The following AP1S3 variants were observed in gnomAD, a reference collection of about 807,000 sequenced individuals.
AP1S3 encodes AP-1 complex subunit sigma-3.
In AP1S3, 10 loss-of-function variants were observed where a neutral mutation model predicts 20.9. The observed-to-expected ratio is 0.48, with a 90% CI of 0.29 to 0.81. The LOEUF (loss-of-function observed/expected upper bound fraction) is 0.81, where lower values mean the gene tolerates loss of function less well. AP1S3 is among the 30% of genes least tolerant of loss of function. The pLI, the probability that AP1S3 is intolerant of heterozygous loss-of-function variation, is 0.08. For synonymous variants in AP1S3, 41 were observed against 61.5 expected (o/e 0.67, Z 1.56); for missense variants, 154 against 183.8 (o/e 0.84, Z 0.94).
At chr2:223,792,186 G>T (rs1691229148) in intron 1 of AP1S3, among the ~76,000 whole-genome samples, 1 of 152,098 alleles carries the variant, frequency 6.6e-6, no homozygotes, top group South Asian at 2.1e-4. Context: ...AGCCTGAATA[G>T]CCAAGACAAT....
intron 4 of AP1S3, among the ~76,000 whole-genome samples, chr2:223,763,653 G>T (rs969799153): frequency 3.9e-5 from 6 of 152,154 alleles, no homozygotes; most frequent in Admixed American, 1.3e-4. Context: ...GAGTTTAGAT[G>T]CACTTTTTGA....
chr2:223,812,155 A>T (rs6436436), intron 1 of AP1S3, among the ~76,000 whole-genome samples: 49,019 of 152,106 alleles, frequency 0.32, 8,324 homozygotes, highest in Middle Eastern at 0.43. Flanking sequence ...CAAATATCAC[A>T]TTTATTGACC....
At chr2:223,764,795 A>G (rs2106078597) in intron 4 of AP1S3, among the ~76,000 whole-genome samples, 1 of 152,336 alleles carries the variant, frequency 6.6e-6, no homozygotes, top group Admixed American at 6.5e-5. Flanking sequence ...ATCTCATAAA[A>G]TTATTCTTGA....
At chr2:223,780,337 AG>A (rs1559280795) in intron 1 of AP1S3, among the ~76,000 whole-genome samples, 4 of 125,316 alleles carry the variant, frequency 3.2e-5, no homozygotes, top group African/African-American at 1.3e-4. Context: ...AGAGAGAGAG[AG>A]AGAGAGAGAG....
chr2:223,820,170 T>G (rs1010939988), intron 1 of AP1S3, among the ~76,000 whole-genome samples: 24 of 70,800 alleles, frequency 3.4e-4, no homozygotes, highest in Non-Finnish European at 7.8e-4. Flanking sequence ...TTTAAAAGGT[T>G]TTTTTTCTCA....
At chr2:223,785,867 TC>T (rs1691060774) in intron 1 of AP1S3, among the ~76,000 whole-genome samples, 1 of 152,210 alleles carries the variant, frequency 6.6e-6, no homozygotes, top group African/African-American at 2.4e-5. Flanking sequence ...TGATAGAATG[TC>T]CAACACCAAC....
intron 3 of AP1S3, among the ~76,000 whole-genome samples, chr2:223,775,507 TG>T (rs1470744258): frequency 1.3e-5 from 2 of 151,996 alleles, no homozygotes; most frequent in African/African-American, 4.8e-5. Flanking sequence ...AGGTCTCTGG[TG>T]TATTTGTGGT....
intron 1 of AP1S3, among the ~76,000 whole-genome samples, chr2:223,801,633 G>A (rs1268786185): frequency 6.6e-6 from 1 of 152,024 alleles, no homozygotes; most frequent in African/African-American, 2.4e-5. Flanking sequence ...TCAGTAGAGT[G>A]GGGTTTCACC....
At chr2:223,775,009 G>C (rs1250795564) in intron 3 of AP1S3, among the ~76,000 whole-genome samples, 1 of 23,842 alleles carries the variant, frequency 4.2e-5, no homozygotes, top group Non-Finnish European at 6.9e-5. Flanking sequence ...AACCAAGGAG[G>C]CGCTTCAGAA....
intron 1 of AP1S3, among the ~76,000 whole-genome samples, chr2:223,783,592 G>A (rs1016640029): frequency 6.6e-6 from 1 of 152,242 alleles, no homozygotes. Context: ...CCAGTCTGCT[G>A]AGTCTGCGCC....
At position 223,830,355 on chromosome 2, in the gene AP1S3, T is replaced by C. The variant is rs1692229997; in HGVS notation, c.3+7093A>G. ...TTAGCCGGGCGTGTTGGCATGCACC[T>C]GTAGTCCCAGCTACTCAGGAGACTG... is the stretch of plus-strand genomic sequence containing the variant. On this transcript the variant is annotated intron_variant, in intron 1 of 4. Transcript: ENST00000396654. Among the ~76,000 whole-genome samples, 3 of 151,780 alleles carry C rather than the reference T, an allele frequency of 2.0e-5. No individual in the cohort carries two copies. The South Asian group carries it at 6.3e-4, about 32-fold the overall frequency.
chr2:223,758,544 A>C lies in AP1S3; in HGVS notation c.*171T>G, dbSNP rs1296244213. 7.5e-7 allele frequency: 1 copy of C among 1,337,776 alleles called. No individual in the cohort carries two copies. The highest frequency in any genetic ancestry group is 3.7e-5 in the Admixed American group (1 of 27,318). The allele number at this position is 1,337,776 out of a possible 1,614,324, so 82.9% of individuals were successfully genotyped here. A position where few individuals can be genotyped will look rare whatever the true frequency, so the allele number is the denominator to read the frequency against. On this transcript the variant is annotated 3_prime_UTR_variant, in exon 5 of 5. Transcript: ENST00000396654. Reference sequence around the variant, plus strand: ...CATAATTTTTTTTAATAATACAGACACATAGTAATTATAAATATGTTAAAC... The same window carrying C: ...CATAATTTTTTTTAATAATACAGACCCATAGTAATTATAAATATGTTAAAC...
At chr2:223,833,209 A>G (rs942627584) in intron 1 of AP1S3, among the ~76,000 whole-genome samples, 1 of 151,912 alleles carries the variant, frequency 6.6e-6, no homozygotes, top group Non-Finnish European at 1.5e-5. Flanking sequence ...ATGTCACTGT[A>G]TACATCCCCA....
intron 1 of AP1S3, among the ~76,000 whole-genome samples, chr2:223,826,057 C>T (rs935409555): frequency 3.3e-5 from 5 of 152,134 alleles, no homozygotes; most frequent in African/African-American, 7.2e-5. Flanking sequence ...TACCCTGAAA[C>T]AGTATTATTT....
intron 1 of AP1S3, among the ~76,000 whole-genome samples, chr2:223,805,707 G>T (rs143962421): frequency 1.3e-5 from 2 of 152,100 alleles, no homozygotes; most frequent in Non-Finnish European, 2.9e-5. Flanking sequence ...GAAATAGCTG[G>T]CATTTCTTAA....
At chr2:223,831,218 C>A (rs1004126616) in intron 1 of AP1S3, among the ~76,000 whole-genome samples, 17 of 152,108 alleles carry the variant, frequency 1.1e-4, no homozygotes, top group South Asian at 4.1e-4. Context: ...GCAGCCTTGA[C>A]TTCCTGGGCT....
intron 1 of AP1S3, among the ~76,000 whole-genome samples, chr2:223,787,866 C>T (rs1310955015): frequency 6.6e-6 from 1 of 152,172 alleles, no homozygotes; most frequent in East Asian, 1.9e-4. Flanking sequence ...CTTGCTCCGG[C>T]CCCCAGAGTC....
chr2:223,778,189 G>C (rs555480942), intron 1 of AP1S3, among the ~76,000 whole-genome samples: 2 of 125,962 alleles, frequency 1.6e-5, no homozygotes, highest in South Asian at 2.3e-4. Context: ...GCAGTGGCGC[G>C]GTCTCAGCTC....
intron 1 of AP1S3, among the ~76,000 whole-genome samples, chr2:223,800,147 G>A (rs560339202): frequency 5.3e-5 from 8 of 151,552 alleles, no homozygotes; most frequent in Admixed American, 4.6e-4. Context: ...CCCAGGAGGC[G>A]GAGGCTGCAG....
Sources: allele counts gnomAD v4.1 joint callset (sites outside exome capture counted in the v4.1 genomes callset), GRCh38; gene constraint gnomAD v4.1.1; transcripts MANE v1.5; gene names NCBI Gene and HGNC (gene_info 2026-07-23, HGNC 2026-07-21).